SF3A3: variants seen among roughly 807,000 people sequenced by gnomAD.
SF3A3 encodes the protein splicing factor 3a subunit 3, also known as SAP 61.
In SF3A3, 9 loss-of-function variants were observed where a neutral mutation model predicts 85.8. That is an observed-to-expected ratio of 0.10 (90% CI 0.06 to 0.18). SF3A3 has a LOEUF of 0.18. Ranked by LOEUF, SF3A3 falls within the 10% of genes least tolerant of loss-of-function variation. SF3A3 has a pLI of 1.00. For synonymous variants in SF3A3, 195 were observed against 204.4 expected (o/e 0.95, Z 0.39); for missense variants, 306 against 593.3 (o/e 0.52, Z 5.03).
chr1:37,989,461 G>A, intron 2 of SF3A3, 87 bp downstream of exon 2: 1 of 1,432,624 alleles, frequency 7.0e-7, no homozygotes, highest in East Asian at 2.3e-5. Context: ...CTTTGGCCAG[G>A]GACTCATGCT....
chr1:37,973,589 T>C (rs1190050367), intron 12 of SF3A3, among the ~76,000 whole-genome samples: 1 of 152,212 alleles, frequency 6.6e-6, no homozygotes, highest in Non-Finnish European at 1.5e-5. Flanking sequence ...CAACAGGTGC[T>C]GGAGAGGATG....
rs758195333 is a variant in SF3A3, at chr1:37,979,634, T to C, written c.691-101A>G. 1.8e-5 allele frequency: 14 copies of C among 760,554 alleles called. 1 individual carries two copies. The highest frequency in any genetic ancestry group is 2.7e-5 in the Non-Finnish European group (12 of 451,844). The allele number at this position is 760,554 out of a possible 1,614,324, so 47.1% of individuals were successfully genotyped here. On this transcript the variant is annotated intron_variant, in intron 8 of 16. Coordinates refer to ENST00000373019, the MANE Select transcript of SF3A3 (RefSeq NM_006802.4). ...ATTTTGGGAGGCCAAGATAGGTGAA[T>C]TGCTTGAGTTCAGGAGTTAGAGACC...
At position 37,978,678 on chromosome 1, in the gene SF3A3, C is replaced by T; in HGVS notation, c.935+42G>A. On this transcript the variant is annotated intron_variant, in intron 11 of 16. Coordinates refer to ENST00000373019, the MANE Select transcript of SF3A3 (RefSeq NM_006802.4). The stretch of plus-strand genomic sequence containing the variant: ...GGTTAAAAATTCTGCATGGGAATAA[C>T]ATTTAAAAGCCACAAGCAGCAGTGC... The T allele has an allele frequency of 3.1e-6, 4 of 1,301,692 alleles. No individual in the cohort carries two copies. In the South Asian group the frequency reaches 5.3e-5, roughly 17 times the overall value. The allele number at this position is 1,301,692 out of a possible 1,614,324, so 80.6% of individuals were successfully genotyped here.
rs752031569 is a variant in SF3A3, at chr1:37,989,906, G to A, written c.60C>T (p.Asp20=). 3 of 1,613,680 alleles carry A rather than the reference G, an allele frequency of 1.9e-6. No homozygotes were observed. Among genetic ancestry groups the A allele is most frequent in the East Asian group, 2.2e-5 (1 of 44,884 alleles). ...RYHEEKERLM[D]VMAKEMLTKK... is the part of the protein sequence containing the mutation. Reference sequence around the variant, plus strand: ...TGGTGAGCATCTCTTTAGCCATGACGTCCATGAGCCGTTCCTTCTCCTCAT... The same window carrying A: ...TGGTGAGCATCTCTTTAGCCATGACATCCATGAGCCGTTCCTTCTCCTCAT... Residue 20 remains aspartate (D), a synonymous_variant, in exon 1 of 17, where the codon GAC becomes GAT. Coordinates refer to ENST00000373019, the MANE Select transcript of SF3A3 (RefSeq NM_006802.4).
chr1:37,989,443 C>T (rs1646479376), intron 2 of SF3A3, 105 bp downstream of exon 2: 1 of 1,259,282 alleles, frequency 7.9e-7, no homozygotes, highest in East Asian at 2.4e-5. Context: ...ACTGGCCAAT[C>T]CGGTTACCTT....
chr1:37,969,499 T>G, intron 13 of SF3A3, 35 bp from the exon 14 acceptor site: 1 of 1,612,732 alleles, frequency 6.2e-7, no homozygotes, highest in Non-Finnish European at 8.5e-7. Context: ...AACCAAGAAG[T>G]GTTAGCCTAC....
At chr1:37,959,831 G>A (rs937805716) in intron 16 of SF3A3, among the ~76,000 whole-genome samples, 2 of 151,810 alleles carry the variant, frequency 1.3e-5, no homozygotes, top group Non-Finnish European at 1.5e-5. Flanking sequence ...GGTGGCGGGC[G>A]CCTGTAATCT....
At chr1:37,980,841 C>CTTTTT (rs760972269) in intron 7 of SF3A3, 117 bp from the exon 8 acceptor site, 17 of 95,438 alleles carry the variant, frequency 1.8e-4, no homozygotes, top group African/African-American at 5.1e-4. Flanking sequence ...TTTTAATACT[C>CTTTTT]TTTTTTTTTT....
chr1:37,983,603 A>AAAAAAAAAG (rs1646435725), intron 6 of SF3A3, among the ~76,000 whole-genome samples: 1 of 148,854 alleles, frequency 6.7e-6, no homozygotes, highest in Non-Finnish European at 1.5e-5. Context: ...AAAAAAAAAA[A>AAAAAAAAAG]AAAAAGATTT....
chr1:37,966,305 C>T (rs1182118891), intron 15 of SF3A3, among the ~76,000 whole-genome samples: 1 of 151,992 alleles, frequency 6.6e-6, no homozygotes, highest in East Asian at 1.9e-4. Context: ...GCTACTACTG[C>T]TGGGAAAACA....
intron 12 of SF3A3, among the ~76,000 whole-genome samples, 192 bp from the exon 13 acceptor site, chr1:37,969,927 G>A (rs1646326970): frequency 6.6e-6 from 1 of 152,192 alleles, no homozygotes; most frequent in Non-Finnish European, 1.5e-5. Context: ...AAAGAAAAGA[G>A]TCAAAGGTTT....
chr1:37,983,586 CAAAAAAAAA>C (rs371317065), intron 6 of SF3A3, among the ~76,000 whole-genome samples: 1 of 38,488 alleles, frequency 2.6e-5, no homozygotes, highest in Non-Finnish European at 3.9e-5. Flanking sequence ...GACCCTGTCT[CAAAAAAAAA>C]AAAAAAAAAA....
Position 37,980,676 on chromosome 1 carries a change from C to T in SF3A3, c.600G>A (p.Val200=), listed in dbSNP as rs1327525716. ...LEYLQDYTDR[V]KPLQDQNELF... ...GTTCATTCTGATCTTGGAGAGGCTT[C>T]ACTCTATCTGTGTAATCCTGAAGGT... Residue 200 remains valine (V), a synonymous_variant, in exon 8 of 17, where the codon GTG becomes GTA. Transcript: ENST00000373019. The T allele has an allele frequency of 4.3e-6, 7 of 1,613,860 alleles. No individual in the cohort carries two copies. The African/African-American group carries it at 8.0e-5, about 18-fold the overall frequency.
chr1:37,989,645 A>G, intron 1 of SF3A3, 50 bp from the exon 2 acceptor site: 1 of 1,602,828 alleles, frequency 6.2e-7, no homozygotes, highest in Non-Finnish European at 8.5e-7. Flanking sequence ...GTTCTGGAGT[A>G]GAAAAGGCCG....
At chr1:37,980,881 CT>C (rs1490185128) in intron 7 of SF3A3, 157 bp from the exon 8 acceptor site, 24 of 461,254 alleles carry the variant, frequency 5.2e-5, no homozygotes, top group Non-Finnish European at 9.7e-6. Flanking sequence ...CAGAGTTTCG[CT>C]CCTCTTACCC....
rs572086713 is a variant in SF3A3, at chr1:37,980,352, A to G, written c.690+234T>C. ...GGCAGGAGAACTGCTTGAACCCGGG[A>G]AGCGGAGGTTGAGGTGAGCCGAGAT... On this transcript the variant is annotated intron_variant, in intron 8 of 16. Coordinates refer to ENST00000373019, the MANE Select transcript of SF3A3 (RefSeq NM_006802.4). Among the ~76,000 whole-genome samples the G allele has an allele frequency of 8.1e-4, 123 of 152,098 alleles. 1 individual carries two copies. Among genetic ancestry groups the G allele is most frequent in the Non-Finnish European group, 4.6e-4 (31 of 67,984 alleles).
intron 7 of SF3A3, 74 bp from the exon 8 acceptor site, chr1:37,980,798 T>TATAAAGTACTTATAATTCTAGTA (rs1345010758): frequency 8.8e-7 from 1 of 1,130,126 alleles, no homozygotes; most frequent in Non-Finnish European, 1.2e-6. Context: ...CCCTGCAGAA[T>TATAAAGTACTTATAATTCTAGTA]ATAAAGTACT....
Position 37,969,641 on chromosome 1 carries a change from C to A in SF3A3, c.1100G>T (p.Ser367Ile). 1 of 1,614,106 alleles carries A rather than the reference C, an allele frequency of 6.2e-7. No individual in the cohort carries two copies. The highest frequency in any genetic ancestry group is 2.2e-5 in the East Asian group (1 of 44,886). The change falls in exon 13 of 17, where the codon AGT becomes ATT. Residue 367 changes from serine (S) to isoleucine (I), a missense_variant. Physicochemically the swap from Ser to Ile is moderately radical, Grantham distance 142 (BLOSUM62 -2). Transcript: ENST00000373019. ...CTCGTTCTCTTCATCTTCACTCTCA[C>A]TCTCACTGATCTGCTCTTCTTCCTC... ...EEEEEEQISESESEDEENEII... is the reference protein window; with the variant it reads ...EEEEEEQISEIESEDEENEII...
chr1:37,968,910 C>T (rs976248197), intron 14 of SF3A3, among the ~76,000 whole-genome samples: 2 of 152,168 alleles, frequency 1.3e-5, no homozygotes, highest in Non-Finnish European at 2.9e-5. Flanking sequence ...AATACCCTGT[C>T]TCAAGAATGG....
Sources: gnomAD v4.1 joint callset for allele counts (sites outside exome capture counted in the v4.1 genomes callset) on GRCh38, gnomAD v4.1.1 for gene constraint, MANE v1.5 for transcripts, NCBI Gene and HGNC (gene_info 2026-07-23, HGNC 2026-07-21) for gene names.